GRM7: variants seen among roughly 807,000 people sequenced by gnomAD.
The protein encoded by GRM7 is glutamate metabotropic receptor 7, also known as metabotropic glutamate receptor 7.
GRM7 carries 35 observed loss-of-function variants against 84.5 expected under a neutral mutation model. The observed-to-expected ratio is 0.41, with a 90% CI of 0.32 to 0.55. GRM7 has a LOEUF of 0.55. GRM7 is among the 20% of genes least tolerant of loss of function. The pLI is 0.19. For missense variants in GRM7, 1,003 were observed against 1,194.6 expected, an observed-to-expected ratio of 0.84 and a Z score of 2.36; for synonymous variants, 487 against 455.1, an observed-to-expected ratio of 1.07 and a Z score of -0.89.
chr3:7,649,156 G>A (rs1357090032), intron 8 of GRM7, among the ~76,000 whole-genome samples: 3 of 151,298 alleles, frequency 2.0e-5, no homozygotes, highest in Non-Finnish European at 2.9e-5. Context: ...TGCTAGCTCC[G>A]CCTCCCGGGT....
chr3:7,291,533 TCTCTCTCTCTCTCTCTCTCTCA>T (rs1699625774), intron 2 of GRM7, among the ~76,000 whole-genome samples: 1 of 94,290 alleles, frequency 1.1e-5, no homozygotes, highest in Admixed American at 1.1e-4. Flanking sequence ...TCTCTCTCTC[TCTCTCTCTCTCTCTCTCTCTCA>T]ATCCCTCCGT....
At position 7,069,533 on chromosome 3, in the gene GRM7, GA is replaced by G. The variant is rs1329312790; in HGVS notation, c.520-76915del. 9.9e-5 allele frequency among the ~76,000 whole-genome samples: 15 copies of G among 152,086 alleles called. 1 individual carries two copies. The highest frequency in any genetic ancestry group is 3.9e-4 in the Admixed American group (6 of 15,246). On this transcript the variant is annotated intron_variant, in intron 1 of 9. Coordinates refer to ENST00000357716, the MANE Select transcript of GRM7 (RefSeq NM_000844.4). ...CAAGGTGAGAATTAAGGATGGAGGG[GA>G]AAAGGGAGAATATCCAATGACATCA... is the stretch of plus-strand genomic sequence containing the variant.
At position 6,872,908 on chromosome 3, in the gene GRM7, TGC is replaced by T. The variant is rs1695174281; in HGVS notation, c.519+11002_519+11003del. 3.3e-5 allele frequency among the ~76,000 whole-genome samples: 5 copies of T among 152,310 alleles called. No individual in the cohort carries two copies. In the South Asian group the frequency reaches 1.0e-3, roughly 32 times the overall value. ...TCCAAGTCTTTGCTATTCTGAGCAG[TGC>T]TGCAATAAACATATGTGTGCATATG... On this transcript the variant is annotated intron_variant, in intron 1 of 9. Coordinates refer to ENST00000357716, the MANE Select transcript of GRM7 (RefSeq NM_000844.4).
At chr3:7,130,005 T>A (rs1422228829) in intron 1 of GRM7, among the ~76,000 whole-genome samples, 1 of 152,180 alleles carries the variant, frequency 6.6e-6, no homozygotes, top group Non-Finnish European at 1.5e-5. Context: ...TCAAGAGATG[T>A]GATTCGAATT....
chr3:7,370,603 A>T (rs1694091147), intron 4 of GRM7, among the ~76,000 whole-genome samples: 1 of 151,332 alleles, frequency 6.6e-6, no homozygotes, highest in Non-Finnish European at 1.5e-5. Flanking sequence ...CAGCATGAAA[A>T]TGGACTAATA....
chr3:7,554,339 C>T (rs1693650289), intron 7 of GRM7, among the ~76,000 whole-genome samples: 1 of 152,114 alleles, frequency 6.6e-6, no homozygotes, highest in South Asian at 2.1e-4. Flanking sequence ...TCCATCTTCC[C>T]AACAATCATG....
At chr3:7,512,636 A>G (rs1490785717) in intron 7 of GRM7, among the ~76,000 whole-genome samples, 1 of 146,892 alleles carries the variant, frequency 6.8e-6, no homozygotes. Context: ...AATTTGAGAG[A>G]TTGGTGCAAA....
chr3:7,549,510 G>A (rs892231167), intron 7 of GRM7, among the ~76,000 whole-genome samples: 1 of 152,168 alleles, frequency 6.6e-6, no homozygotes, highest in African/African-American at 2.4e-5. Context: ...GGGAGAGGGA[G>A]AAGAGATGAG....
At chr3:7,506,494 T>A (rs533420851) in intron 7 of GRM7, among the ~76,000 whole-genome samples, 4 of 152,190 alleles carry the variant, frequency 2.6e-5, no homozygotes, top group Admixed American at 6.6e-5. Flanking sequence ...TAGGTATTTG[T>A]TATACCAACA....
At chr3:7,470,077 C>T (rs61171152) in intron 7 of GRM7, among the ~76,000 whole-genome samples, 8,953 of 152,200 alleles carry the variant, frequency 0.059, 470 homozygotes, top group African/African-American at 0.15. Flanking sequence ...ACAAGGTGTG[C>T]GCTCTCTATG....
In GRM7 at chr3:7,550,413, TCTCCCTCC is replaced by T. The variant is rs372182578; in HGVS notation, c.1516-27994_1516-27987del. Reference sequence around the variant, plus strand: ...GCTTGCTTTCTTTCTTTTCTCTCTCTCTCCCTCCCTCCCTCCCTCCCTTCCTTTCTTCC... The same window carrying T: ...GCTTGCTTTCTTTCTTTTCTCTCTCTCTCCCTCCCTCCCTTCCTTTCTTCC... On this transcript the variant is annotated intron_variant, in intron 7 of 9. Coordinates refer to ENST00000357716, the MANE Select transcript of GRM7 (RefSeq NM_000844.4). Among the ~76,000 whole-genome samples the T allele has an allele frequency of 3.5e-3, 487 of 138,850 alleles. 7 individuals carry two copies. The highest frequency in any genetic ancestry group is 0.014 in the African/African-American group (466 of 34,038). The allele number at this position is 138,850 out of a possible 152,430, so 91.1% of individuals were successfully genotyped here. A position where few individuals can be genotyped will look rare whatever the true frequency, so the allele number is the denominator to read the frequency against.
chr3:7,586,294 T>C (rs1575525908), intron 8 of GRM7, among the ~76,000 whole-genome samples: 2 of 152,126 alleles, frequency 1.3e-5, no homozygotes, highest in East Asian at 3.9e-4. Context: ...ATTAAACATA[T>C]ACCTAGCATA....
At chr3:7,472,842 C>A (rs1698757830) in intron 7 of GRM7, among the ~76,000 whole-genome samples, 2 of 152,208 alleles carry the variant, frequency 1.3e-5, no homozygotes, top group African/African-American at 4.8e-5. Context: ...CCCCTACCCC[C>A]ACTTATGATC....
chr3:7,466,523 A>T (rs1698466276), intron 7 of GRM7, among the ~76,000 whole-genome samples: 1 of 152,224 alleles, frequency 6.6e-6, no homozygotes, highest in Admixed American at 6.5e-5. Context: ...AAAATATATT[A>T]TGTGTGATAG....
At chr3:7,666,956 C>A (rs1699726825) in intron 8 of GRM7, among the ~76,000 whole-genome samples, 1 of 152,040 alleles carries the variant, frequency 6.6e-6, no homozygotes, top group Admixed American at 6.6e-5. Flanking sequence ...GCATGTTGCA[C>A]AGCGAATGCC....
chr3:7,535,185 A>G (rs1701196160), intron 7 of GRM7: 2 of 152,090 alleles, frequency 1.3e-5, no homozygotes, highest in Non-Finnish European at 2.9e-5. Flanking sequence ...TGTACATACC[A>G]ATCCCCCAAA....
At chr3:7,120,465 T>G (rs780463371) in intron 1 of GRM7, among the ~76,000 whole-genome samples, 4 of 152,142 alleles carry the variant, frequency 2.6e-5, no homozygotes, top group African/African-American at 9.6e-5. Context: ...GTTATAGAAA[T>G]GATAATCCCC....
intron 2 of GRM7, among the ~76,000 whole-genome samples, chr3:7,218,725 T>C (rs1321325942): frequency 2.0e-5 from 3 of 152,242 alleles, no homozygotes; most frequent in South Asian, 4.1e-4. Flanking sequence ...CTATTCATAA[T>C]CTCTACATTT....
chr3:6,883,602 C>T (rs1291928420), intron 1 of GRM7, among the ~76,000 whole-genome samples: 1 of 152,164 alleles, frequency 6.6e-6, no homozygotes, highest in African/African-American at 2.4e-5. Flanking sequence ...GGCCATAAAT[C>T]ACACTCCATT....
Sources: allele counts gnomAD v4.1 joint callset (sites outside exome capture counted in the v4.1 genomes callset), GRCh38; gene constraint gnomAD v4.1.1; transcripts MANE v1.5; gene names NCBI Gene and HGNC (gene_info 2026-07-23, HGNC 2026-07-21).